Variants in OPCML observed in about 807,000 individuals in gnomAD.
OPCML encodes the protein opioid-binding protein/cell adhesion molecule.
In OPCML, 13 loss-of-function variants were observed where a neutral mutation model predicts 37.8. The observed-to-expected ratio is 0.34, with a 90% CI of 0.22 to 0.55. The LOEUF (loss-of-function observed/expected upper bound fraction) is 0.55. Among genes scored for constraint, OPCML ranks in the 20% least tolerant of loss-of-function variants. The probability of loss-of-function intolerance (pLI) is 0.91; values close to 1 mark genes in which losing one functional copy is unlikely to be tolerated. For missense variants in OPCML, 341 were observed against 435.6 expected, an observed-to-expected ratio of 0.78 and a Z score of 1.93; for synonymous variants, 176 against 168.8, an observed-to-expected ratio of 1.04 and a Z score of -0.33.
chr11:132,914,963 T>C (rs2136556393), intron 2 of OPCML, among the ~76,000 whole-genome samples: 1 of 152,366 alleles, frequency 6.6e-6, no homozygotes, highest in Admixed American at 6.5e-5. Flanking sequence ...ACCAATCACA[T>C]TGCCCTCCAG....
intron 1 of OPCML, among the ~76,000 whole-genome samples, chr11:133,322,424 AC>A (rs1178168399): frequency 6.6e-6 from 1 of 152,236 alleles, no homozygotes; most frequent in Non-Finnish European, 1.5e-5. Context: ...GGATATGCAA[AC>A]AAATCGTCTG....
chr11:133,382,895 T>C (rs567868037), intron 1 of OPCML, among the ~76,000 whole-genome samples: 2 of 152,284 alleles, frequency 1.3e-5, no homozygotes, highest in African/African-American at 4.8e-5. Context: ...CTAGATAGCT[T>C]TTCTGATCCT....
At chr11:132,756,079 T>G (rs73601333) in intron 2 of OPCML, among the ~76,000 whole-genome samples, 3,083 of 152,310 alleles carry the variant, frequency 0.02, 83 homozygotes, top group African/African-American at 0.068. Context: ...GTTGCTGTGC[T>G]CCAAACTCAA....
rs190595652 is a variant in OPCML at position 133,257,945 on chromosome 11, C to T, written c.61+274319G>A. On this transcript the variant is annotated intron_variant, in intron 1 of 7. Coordinates refer to ENST00000524381, the MANE Select transcript of OPCML (RefSeq NM_001012393.5). ...ACAAAGTCAAGACCATTAAATCTAT[C>T]GATGACTGGAAAACCTTATTGGACT... 1.7e-3 allele frequency among the ~76,000 whole-genome samples: 256 copies of T among 151,886 alleles called. 2 individuals are homozygous for T. The highest frequency in any genetic ancestry group is 5.0e-3 in the African/African-American group (205 of 41,392).
At chr11:132,867,222 G>T (rs891068525) in intron 2 of OPCML, among the ~76,000 whole-genome samples, 1 of 152,160 alleles carries the variant, frequency 6.6e-6, no homozygotes, top group East Asian at 1.9e-4. Flanking sequence ...TGCATCTGAC[G>T]TCTTGATGGG....
At chr11:132,582,327 T>C (rs1012764868) in intron 3 of OPCML, among the ~76,000 whole-genome samples, 1 of 151,928 alleles carries the variant, frequency 6.6e-6, no homozygotes, top group African/African-American at 2.4e-5. Flanking sequence ...AGTAAACAAG[T>C]TGAAGGTCAA....
intron 1 of OPCML, among the ~76,000 whole-genome samples, chr11:133,322,718 C>T (rs1943360875): frequency 6.6e-6 from 1 of 152,164 alleles, no homozygotes; most frequent in South Asian, 2.1e-4. Context: ...CCCTTGATTA[C>T]ACATTTTCGC....
At chr11:132,710,163 C>A (rs1944203852) in intron 2 of OPCML, among the ~76,000 whole-genome samples, 1 of 152,106 alleles carries the variant, frequency 6.6e-6, no homozygotes, top group Admixed American at 6.6e-5. Flanking sequence ...TTCAGCTGAA[C>A]ATGTATTTCA....
intron 2 of OPCML, among the ~76,000 whole-genome samples, chr11:132,933,336 C>G (rs1273062998): frequency 6.6e-6 from 1 of 152,188 alleles, no homozygotes; most frequent in Non-Finnish European, 1.5e-5. Flanking sequence ...AGAAAGCAGA[C>G]ATTCCTCCCT....
At chr11:133,483,741 GA>G (rs1304629689) in intron 1 of OPCML, among the ~76,000 whole-genome samples, 3 of 149,448 alleles carry the variant, frequency 2.0e-5, no homozygotes, top group Non-Finnish European at 4.4e-5. Flanking sequence ...AGATTAGATA[GA>G]TTCATAGATT....
chr11:133,520,234 A>G (rs1948370995), intron 1 of OPCML, among the ~76,000 whole-genome samples: 1 of 152,084 alleles, frequency 6.6e-6, no homozygotes, highest in Non-Finnish European at 1.5e-5. Context: ...TCCCAAGTGC[A>G]GTGTGCGTGG....
intron 1 of OPCML, among the ~76,000 whole-genome samples, chr11:133,058,676 C>T (rs1017429907): frequency 2.6e-5 from 4 of 152,210 alleles, no homozygotes; most frequent in Admixed American, 6.5e-5. Context: ...CGGCTCCCCA[C>T]GCCTGGGTTT....
intron 4 of OPCML, among the ~76,000 whole-genome samples, chr11:132,479,000 T>C (rs972675575): frequency 3.2e-4 from 48 of 152,070 alleles, no homozygotes; most frequent in Non-Finnish European, 5.7e-4. Flanking sequence ...CAAAACAAAA[T>C]GCACAGAATT....
chr11:133,193,338 A>C (rs1277175650), intron 1 of OPCML, among the ~76,000 whole-genome samples: 2 of 152,206 alleles, frequency 1.3e-5, no homozygotes, highest in Non-Finnish European at 2.9e-5. Context: ...CAAAGAACTG[A>C]GCTGGGCTTT....
chr11:133,313,185 T>C (rs1943108475), intron 1 of OPCML, among the ~76,000 whole-genome samples: 1 of 152,214 alleles, frequency 6.6e-6, no homozygotes, highest in Non-Finnish European at 1.5e-5. Context: ...TCTTATTCAA[T>C]GTAATATTCC....
At chr11:133,346,942 A>T (rs1390367205) in intron 1 of OPCML, among the ~76,000 whole-genome samples, 1 of 152,160 alleles carries the variant, frequency 6.6e-6, no homozygotes, top group Non-Finnish European at 1.5e-5. Flanking sequence ...CCTACTGAAG[A>T]CTGACTTTCC....
intron 2 of OPCML, among the ~76,000 whole-genome samples, chr11:132,725,534 G>A (rs560152541): frequency 3.3e-5 from 5 of 152,132 alleles, no homozygotes; most frequent in Non-Finnish European, 7.4e-5. Context: ...TCGACTCCTT[G>A]TTACTTATGC....
chr11:133,207,283 G>C (rs1364441211), intron 1 of OPCML, among the ~76,000 whole-genome samples: 1 of 152,100 alleles, frequency 6.6e-6, no homozygotes, highest in Non-Finnish European at 1.5e-5. Flanking sequence ...CTGGGCGACA[G>C]AGTGAGACTC....
In OPCML at chr11:132,449,173, C is replaced by A. The variant is rs150751912; in HGVS notation, c.506-11814G>T. Among the ~76,000 whole-genome samples, 5 of 152,158 alleles carry A rather than the reference C, an allele frequency of 3.3e-5. No individual in the cohort carries two copies. The East Asian group carries it at 9.6e-4, about 29-fold the overall frequency. On this transcript the variant is annotated intron_variant, in intron 4 of 7. Coordinates refer to ENST00000524381, the MANE Select transcript of OPCML (RefSeq NM_001012393.5). ...ACACCATGACAATTTCAAGGTAGCTCTCATCTGTCACTGTGCTTTAGCTGC... is the reference window on the plus strand; with the variant it reads ...ACACCATGACAATTTCAAGGTAGCTATCATCTGTCACTGTGCTTTAGCTGC...
Sources: gnomAD v4.1 joint callset for allele counts (sites outside exome capture counted in the v4.1 genomes callset) on GRCh38, gnomAD v4.1.1 for gene constraint, MANE v1.5 for transcripts, NCBI Gene and HGNC (gene_info 2026-07-23, HGNC 2026-07-21) for gene names.